Variants in ENKUR observed in about 807,000 individuals in gnomAD.
ENKUR encodes enkurin.
ENKUR carries 19 observed loss-of-function variants against 27.6 expected under a neutral mutation model. The observed-to-expected ratio is 0.69, with a 90% CI of 0.48 to 1.01. The LOEUF (loss-of-function observed/expected upper bound fraction) is 1.01. Among genes scored for constraint, ENKUR ranks in the 50% least tolerant of loss-of-function variants. ENKUR has a pLI of 0.00. For synonymous variants in ENKUR, 117 were observed against 96.9 expected, an observed-to-expected ratio of 1.21 and a Z score of -1.22; for missense variants, 312 against 310.5, an observed-to-expected ratio of 1.00 and a Z score of -0.04.
chr10:24,988,048 C>T (rs113010175), intron 4 of ENKUR, among the ~76,000 whole-genome samples: 11 of 151,716 alleles, frequency 7.3e-5, no homozygotes, highest in African/African-American at 2.7e-4. Context: ...CAGCGAAACC[C>T]CATCTTTACT....
chr10:25,046,095 A>G (rs189714173), intron 2 of ENKUR, among the ~76,000 whole-genome samples: 2 of 152,290 alleles, frequency 1.3e-5, no homozygotes, highest in Admixed American at 1.3e-4. Flanking sequence ...AGAAAAACCA[A>G]ACTGCAAGAG....
intron 2 of ENKUR, among the ~76,000 whole-genome samples, chr10:25,058,549 G>A (rs753274372): frequency 4.6e-5 from 7 of 152,118 alleles, no homozygotes; most frequent in Non-Finnish European, 8.8e-5. Flanking sequence ...TCTCACCCTT[G>A]ATCTATCCCA....
chr10:25,049,108 AC>A (rs1851154672), intron 2 of ENKUR, among the ~76,000 whole-genome samples: 1 of 152,174 alleles, frequency 6.6e-6, no homozygotes. Context: ...GAACCTCTTC[AC>A]TTTTCATCTG....
At chr10:25,011,737 A>C (rs1850448865) in intron 1 of ENKUR, among the ~76,000 whole-genome samples, 1 of 152,240 alleles carries the variant, frequency 6.6e-6, no homozygotes, top group Non-Finnish European at 1.5e-5. Context: ...ACAAATGGCA[A>C]CTTATGTTTA....
intron 2 of ENKUR, among the ~76,000 whole-genome samples, chr10:25,058,821 C>T (rs1851292234): frequency 6.6e-6 from 1 of 151,866 alleles, no homozygotes; most frequent in Non-Finnish European, 1.5e-5. Flanking sequence ...GTCCCAGCTA[C>T]TCGGGAGGCT....
intron 2 of ENKUR, among the ~76,000 whole-genome samples, chr10:25,029,154 G>A (rs1043760833): frequency 6.6e-6 from 1 of 152,108 alleles, no homozygotes; most frequent in Admixed American, 6.5e-5. Flanking sequence ...GAAGGTTAGT[G>A]ACTGTAAACT....
chr10:24,998,291 T>C (rs570123951), intron 2 of ENKUR, among the ~76,000 whole-genome samples: 2 of 151,440 alleles, frequency 1.3e-5, no homozygotes, highest in East Asian at 3.9e-4. Flanking sequence ...TTCTTTTCTT[T>C]TCTTCTCTTC....
intron 2 of ENKUR, among the ~76,000 whole-genome samples, chr10:25,028,544 C>T (rs1428618370): frequency 6.6e-6 from 1 of 152,162 alleles, no homozygotes; most frequent in Non-Finnish European, 1.5e-5. Flanking sequence ...TGTAACCTTT[C>T]TTCTTATGGT....
In ENKUR at chr10:25,024,082, A is replaced by G. The variant is rs535140429; in HGVS notation, c.38-28213T>C. On this transcript the variant is annotated intron_variant, in intron 2 of 5. Coordinates refer to the ENKUR transcript ENST00000615958. Reference sequence around the variant, plus strand: ...GGAGTGGAAAAGCCTAGTAGGAGCAACCTACGTAGAAAGAGCACAGATACT... The same window carrying G: ...GGAGTGGAAAAGCCTAGTAGGAGCAGCCTACGTAGAAAGAGCACAGATACT... The G allele has an allele frequency of 1.1e-5, 18 of 1,614,122 alleles. 1 individual carries two copies. In the South Asian group the frequency reaches 2.0e-4, roughly 18 times the overall value.
intron 2 of ENKUR, among the ~76,000 whole-genome samples, chr10:25,032,991 TAAC>T: frequency 6.6e-6 from 1 of 152,318 alleles, no homozygotes; most frequent in East Asian, 1.9e-4. Context: ...TATTTGCAAT[TAAC>T]AATCCTGATT....
chr10:25,026,680 A>G (rs901882452), intron 2 of ENKUR: 3 of 157,918 alleles, frequency 1.9e-5, no homozygotes, highest in Admixed American at 6.5e-5. Flanking sequence ...GTAATGGACT[A>G]CTGTCAACCA....
rs151070811 is a variant in ENKUR, at chr10:25,005,753, T to C, written c.78-6207A>G. Among the ~76,000 whole-genome samples, 154 of 152,346 alleles carry C rather than the reference T, an allele frequency of 1.0e-3. No individual in the cohort carries two copies. The Middle Eastern group carries it at 0.01, about 10-fold the overall frequency. On this transcript the variant is annotated intron_variant, in intron 1 of 5. Transcript: ENST00000331161. ...GATGCCAATTCTTCCCCCAGCCTGGTTGTCTGTCATAGCTCTGATCTGCAC... is the reference window on the plus strand; with the variant it reads ...GATGCCAATTCTTCCCCCAGCCTGGCTGTCTGTCATAGCTCTGATCTGCAC...
intron 2 of ENKUR, among the ~76,000 whole-genome samples, chr10:25,042,543 C>T (rs1339888338): frequency 6.6e-6 from 1 of 152,052 alleles, no homozygotes; most frequent in African/African-American, 2.4e-5. Flanking sequence ...GATCCACCCG[C>T]CTTGGCCTCC....
intron 3 of ENKUR, among the ~76,000 whole-genome samples, chr10:24,995,150 A>C (rs1850018094): frequency 6.6e-6 from 1 of 152,208 alleles, no homozygotes; most frequent in Non-Finnish European, 1.5e-5. Flanking sequence ...ACCAAAACCA[A>C]ATAAATATAT....
At chr10:25,025,794 C>G (rs544749287) in intron 2 of ENKUR, 3 of 210,604 alleles carry the variant, frequency 1.4e-5, no homozygotes, top group East Asian at 2.3e-4. Flanking sequence ...ATATTTAAGC[C>G]CAGTTTTCAG....
intron 2 of ENKUR, chr10:25,023,069 T>C: frequency 1.4e-6 from 1 of 716,664 alleles, no homozygotes; most frequent in Non-Finnish European, 2.2e-6. Context: ...ACAGTTTATG[T>C]ACCATGGGCA....
chr10:25,015,275 T>G (rs1850541030), intron 1 of ENKUR, among the ~76,000 whole-genome samples: 1 of 152,198 alleles, frequency 6.6e-6, no homozygotes, highest in East Asian at 1.9e-4. Context: ...TCATTATCTA[T>G]CCACCAATTC....
chr10:25,021,226 C>A (rs530981436), intron 2 of ENKUR, among the ~76,000 whole-genome samples: 41 of 152,292 alleles, frequency 2.7e-4, no homozygotes, highest in Admixed American at 9.8e-4. Context: ...GTGCTAACCA[C>A]TATGATATGT....
intron 2 of ENKUR, among the ~76,000 whole-genome samples, chr10:24,996,454 G>GTATATA (rs774819339): frequency 9.8e-4 from 146 of 149,488 alleles, no homozygotes; most frequent in African/African-American, 3.6e-3. Flanking sequence ...GTGTGTGTGT[G>GTATATA]TGTATATATA....
Sources: gnomAD v4.1 joint callset for allele counts (sites outside exome capture counted in the v4.1 genomes callset) on GRCh38, gnomAD v4.1.1 for gene constraint, MANE v1.5 for transcripts, NCBI Gene and HGNC (gene_info 2026-07-23, HGNC 2026-07-21) for gene names.